The following INPP4B variants were observed in gnomAD, a reference collection of about 807,000 sequenced individuals.
INPP4B encodes inositol polyphosphate 4-phosphatase type II.
In INPP4B, 55 loss-of-function variants were observed where a neutral mutation model predicts 122.5. The ratio of observed to expected loss-of-function variants is 0.45; its 90% CI spans 0.36 to 0.56. The LOEUF (loss-of-function observed/expected upper bound fraction) is 0.56. Ranked by LOEUF, INPP4B falls within the 20% of genes least tolerant of loss-of-function variation. INPP4B has a pLI of 0.00. For synonymous variants in INPP4B, 403 were observed against 388.7 expected (o/e 1.04, Z -0.43); for missense variants, 1,000 against 1,097.7 (o/e 0.91, Z 1.26).
intron 7 of INPP4B, among the ~76,000 whole-genome samples, chr4:142,367,881 T>C (rs1788175042): frequency 6.6e-6 from 1 of 152,134 alleles, no homozygotes; most frequent in Admixed American, 6.6e-5. Flanking sequence ...AATTTAATCT[T>C]GGGGCAAAGG....
chr4:142,839,780 C>G (rs1390976525), intron 1 of INPP4B, among the ~76,000 whole-genome samples: 1 of 152,140 alleles, frequency 6.6e-6, no homozygotes, highest in East Asian at 1.9e-4. Flanking sequence ...CATTGTACTA[C>G]TCTTATTTTC....
chr4:142,183,977 AAG>A (rs1426155417), intron 15 of INPP4B, among the ~76,000 whole-genome samples: 2 of 152,164 alleles, frequency 1.3e-5, no homozygotes, highest in Non-Finnish European at 2.9e-5. Flanking sequence ...AAGAAAATCC[AAG>A]AGTGGTTATG....
chr4:142,424,909 A>T (rs908068396), intron 5 of INPP4B, among the ~76,000 whole-genome samples: 1 of 151,966 alleles, frequency 6.6e-6, no homozygotes, highest in African/African-American at 2.4e-5. Context: ...TTTTGTGATA[A>T]TTTTTGTTAT....
At chr4:142,245,373 T>C (rs1727446869) in intron 11 of INPP4B, among the ~76,000 whole-genome samples, 1 of 152,190 alleles carries the variant, frequency 6.6e-6, no homozygotes, top group Admixed American at 6.5e-5. Context: ...CTTTAATCCA[T>C]CTTGAGTTAA....
At chr4:142,282,213 T>G (rs1751526829) in intron 9 of INPP4B, among the ~76,000 whole-genome samples, 1 of 152,184 alleles carries the variant, frequency 6.6e-6, no homozygotes, top group African/African-American at 2.4e-5. Flanking sequence ...TGTAAAGAAA[T>G]GAGTCATACA....
chr4:142,614,006 G>T (rs1743138332), intron 2 of INPP4B, among the ~76,000 whole-genome samples: 1 of 152,264 alleles, frequency 6.6e-6, no homozygotes, highest in African/African-American at 2.4e-5. Context: ...GATGGTTATA[G>T]GAACGGGTAG....
chr4:142,206,907 T>C (rs906011478), intron 14 of INPP4B, among the ~76,000 whole-genome samples: 2 of 152,164 alleles, frequency 1.3e-5, no homozygotes, highest in African/African-American at 4.8e-5. Flanking sequence ...CTAGGACTTA[T>C]TCATTTTGCA....
At chr4:142,049,871 T>C (rs1290172785) in intron 25 of INPP4B, among the ~76,000 whole-genome samples, 1 of 151,940 alleles carries the variant, frequency 6.6e-6, no homozygotes, top group Non-Finnish European at 1.5e-5. Flanking sequence ...TAAGCAGAAA[T>C]TCATTTTGTG....
intron 7 of INPP4B, among the ~76,000 whole-genome samples, chr4:142,349,143 A>C (rs1437036302): frequency 6.6e-6 from 1 of 152,084 alleles, no homozygotes; most frequent in African/African-American, 2.4e-5. Context: ...CTAAGCTAAA[A>C]TAAATTAACT....
At chr4:142,632,192 A>T (rs1263117440) in intron 2 of INPP4B, among the ~76,000 whole-genome samples, 1 of 152,172 alleles carries the variant, frequency 6.6e-6, no homozygotes. Context: ...TCAGCATGGC[A>T]GACTAGCATC....
intron 2 of INPP4B, chr4:142,514,364 A>T (rs1407988455): frequency 6.6e-6 from 1 of 152,208 alleles, no homozygotes; most frequent in East Asian, 1.9e-4. Flanking sequence ...AACTGCTATG[A>T]CCAAATTCCT....
chr4:142,708,740 T>C (rs1258338028), intron 2 of INPP4B, among the ~76,000 whole-genome samples: 1 of 152,140 alleles, frequency 6.6e-6, no homozygotes, highest in Non-Finnish European at 1.5e-5. Flanking sequence ...GGACCCCTCA[T>C]GGAGAATCTC....
At chr4:142,392,261 A>G (rs952270550) in intron 7 of INPP4B, among the ~76,000 whole-genome samples, 3 of 151,942 alleles carry the variant, frequency 2.0e-5, no homozygotes. Flanking sequence ...TGATGTGAAC[A>G]GTTTTTCCCA....
intron 25 of INPP4B, among the ~76,000 whole-genome samples, chr4:142,047,591 T>C (rs1752256621): frequency 6.6e-6 from 1 of 152,014 alleles, no homozygotes. Flanking sequence ...GTAGAGATTA[T>C]GTGCAGAACA....
At chr4:142,272,856 G>A (rs541684094) in intron 9 of INPP4B, among the ~76,000 whole-genome samples, 2 of 151,890 alleles carry the variant, frequency 1.3e-5, no homozygotes, top group Admixed American at 6.6e-5. Flanking sequence ...AACTAAACAC[G>A]TTTTTCTTCT....
At chr4:142,444,690 T>C (rs1812530231) in intron 3 of INPP4B, among the ~76,000 whole-genome samples, 1 of 152,056 alleles carries the variant, frequency 6.6e-6, no homozygotes, top group Non-Finnish European at 1.5e-5. Context: ...ATTATTCTAC[T>C]ATAAAGACAC....
At position 142,664,905 on chromosome 4, in the gene INPP4B, T is replaced by C. The variant is rs144937299; in HGVS notation, c.-191+60934A>G. On this transcript the variant is annotated intron_variant, in intron 2 of 25. Transcript: ENST00000262992. The stretch of plus-strand genomic sequence containing the variant: ...TTGTGCCAACATCATAGAGTGTATT[T>C]ATGTAAACTGAGGTGGTATAGCCTA... Among the ~76,000 whole-genome samples, 14 of 152,326 alleles carry C rather than the reference T, an allele frequency of 9.2e-5. No individual in the cohort carries two copies. The East Asian group carries it at 2.5e-3, about 27-fold the overall frequency.
intron 8 of INPP4B, among the ~76,000 whole-genome samples, chr4:142,309,015 C>T (rs2151244214): frequency 6.6e-6 from 1 of 152,206 alleles, no homozygotes; most frequent in Non-Finnish European, 1.5e-5. Flanking sequence ...ACAAGTTGCT[C>T]CACTACTCTA....
At chr4:142,625,826 C>T (rs952334405) in intron 2 of INPP4B, among the ~76,000 whole-genome samples, 5 of 152,036 alleles carry the variant, frequency 3.3e-5, no homozygotes, top group South Asian at 2.1e-4. Context: ...AGAAATAATG[C>T]CGCATACCTA....
Sources: allele counts gnomAD v4.1 joint callset (sites outside exome capture counted in the v4.1 genomes callset), GRCh38; gene constraint gnomAD v4.1.1; transcripts MANE v1.5; gene names NCBI Gene and HGNC (gene_info 2026-07-23, HGNC 2026-07-21).